TENT5D: variants seen among roughly 807,000 people sequenced by gnomAD.
TENT5D encodes the protein terminal nucleotidyltransferase 5D, also known as cancer/testis antigen 112.
For missense variants in TENT5D, 191 were observed against 287.0 expected, an observed-to-expected ratio of 0.67 and a Z score of 2.42; for synonymous variants, 103 against 100.6, an observed-to-expected ratio of 1.02 and a Z score of -0.15.
intron 3 of TENT5D, among the ~76,000 whole-genome samples, chrX:80,344,717 A>G (rs1399470117): frequency 9.0e-6 from 1 of 111,040 alleles, no homozygotes; most frequent in Admixed American, 9.6e-5. Context: ...CATGAGTAGC[A>G]CTCTTCTAGG....
chrX:80,428,407 C>T (rs1932023234), intron 1 of TENT5D, among the ~76,000 whole-genome samples: 1 of 112,357 alleles, frequency 8.9e-6, no homozygotes. Flanking sequence ...GCTGGCCATC[C>T]TTTAGCCATT....
chrX:80,383,721 T>A (rs1602200550), intron 3 of TENT5D, among the ~76,000 whole-genome samples: 3 of 110,943 alleles, frequency 2.7e-5, no homozygotes, highest in South Asian at 3.8e-4. Context: ...CCGGGCATGG[T>A]GGTGGGCACC....
chrX:80,442,743 A>G (rs1358976969), exon 3 of TENT5D: 2 of 1,209,845 alleles, frequency 1.7e-6, no homozygotes, highest in East Asian at 3.0e-5. Context: ...GTTCCGTAGC[A>G]AGTTACATAC....
At chrX:80,391,698 G>T (rs193147609) in intron 3 of TENT5D, among the ~76,000 whole-genome samples, 2 of 112,555 alleles carry the variant, frequency 1.8e-5, no homozygotes, top group East Asian at 5.6e-4. Flanking sequence ...TCAGAATTTT[G>T]TACTGAAGCA....
chrX:80,409,600 T>C (rs766853689), intron 3 of TENT5D, among the ~76,000 whole-genome samples: 2 of 110,770 alleles, frequency 1.8e-5, no homozygotes, highest in East Asian at 2.8e-4. Flanking sequence ...TAAAAGAGGA[T>C]ACAAACAAAT....
intron 3 of TENT5D, among the ~76,000 whole-genome samples, chrX:80,352,887 C>T (rs762653880): frequency 2.7e-5 from 3 of 110,864 alleles, no homozygotes; most frequent in Non-Finnish European, 5.7e-5. Flanking sequence ...GTATCTGGGC[C>T]GGATAGCGCA....
chrX:80,359,101 G>A (rs1930350464), intron 3 of TENT5D, among the ~76,000 whole-genome samples: 1 of 112,265 alleles, frequency 8.9e-6, no homozygotes, highest in Non-Finnish European at 1.9e-5. Context: ...AAACCAGAAT[G>A]AGATACCATC....
Position 80,438,194 on chromosome X carries a change from A to G in TENT5D, c.-141-416A>G, listed in dbSNP as rs765628752. On this transcript the variant is annotated intron_variant, in intron 1 of 2. Coordinates refer to ENST00000308293, the Ensembl canonical transcript of TENT5D. The stretch of plus-strand genomic sequence containing the variant: ...AGTTTTCTTCAGTGTAGCAGTTCTT[A>G]AAGTGTCATTCCCTGACCAGCAGCA... Among the ~76,000 whole-genome samples, 5 of 110,525 alleles carry G rather than the reference A, an allele frequency of 4.5e-5. No individual in the cohort carries two copies. The South Asian group carries it at 2.0e-3, about 43-fold the overall frequency.
intron 3 of TENT5D, among the ~76,000 whole-genome samples, chrX:80,408,844 C>A (rs187754244): frequency 0.13 from 14,242 of 109,519 alleles, 1,026 homozygotes; most frequent in East Asian, 0.48. Flanking sequence ...ATGCAAAAAT[C>A]CTCAATAAAA....
At chrX:80,406,272 G>T (rs1441598154) in intron 3 of TENT5D, among the ~76,000 whole-genome samples, 2 of 111,760 alleles carry the variant, frequency 1.8e-5, no homozygotes, top group East Asian at 2.8e-4. Context: ...CGAGCTGAGA[G>T]AAGAAGGCTT....
At position 80,381,025 on chromosome X, in the gene TENT5D, C is replaced by T. The variant is rs1263188941; in HGVS notation, c.-142+38461C>T. On this transcript the variant is annotated intron_variant, in intron 3 of 4. Coordinates refer to the TENT5D transcript ENST00000538312. ...CATGATGTTAGCTGCTTATTTTGCC[C>T]GTTAGTTGATGCAGTTTCTTCCTAC... is the stretch of plus-strand genomic sequence containing the variant. Among the ~76,000 whole-genome samples the T allele has an allele frequency of 6.3e-5, 7 of 111,481 alleles. No homozygotes were observed. In the East Asian group the frequency reaches 1.4e-3, roughly 23 times the overall value.
chrX:80,418,194 G>A (rs997457572), upstream of TENT5D, among the ~76,000 whole-genome samples: 37 of 109,741 alleles, frequency 3.4e-4, no homozygotes, highest in Admixed American at 2.6e-3. Flanking sequence ...CTTTTGCCCA[G>A]GCTGGAGTGC....
intron 1 of TENT5D, among the ~76,000 whole-genome samples, chrX:80,436,090 A>G (rs1932177325): frequency 9.0e-6 from 1 of 111,352 alleles, no homozygotes. Context: ...TCCATAGCCT[A>G]TAATCTAAAC....
intron 3 of TENT5D, among the ~76,000 whole-genome samples, chrX:80,359,697 G>A (rs1472173803): frequency 9.0e-6 from 1 of 111,143 alleles, no homozygotes; most frequent in African/African-American, 3.3e-5. Context: ...ATGGCAGGTT[G>A]ATGGGTGAAG....
chrX:80,342,409 T>C (rs1334782616), intron 2 of TENT5D: 1 of 112,210 alleles, frequency 8.9e-6, no homozygotes, highest in East Asian at 2.8e-4. Flanking sequence ...GTCCCATTTC[T>C]AAGTCAGGTC....
At chrX:80,337,033 G>A (rs767347750) in intron 2 of TENT5D, among the ~76,000 whole-genome samples, 38 of 111,665 alleles carry the variant, frequency 3.4e-4, no homozygotes, top group African/African-American at 1.2e-3. Context: ...ATTTCTTAAA[G>A]CGAGGTTTAT....
At chrX:80,339,785 A>G (rs1367685227) in intron 2 of TENT5D, among the ~76,000 whole-genome samples, 2 of 109,981 alleles carry the variant, frequency 1.8e-5, no homozygotes, top group African/African-American at 6.6e-5. Flanking sequence ...CTATTTCTCA[A>G]AGTGCTAATA....
At chrX:80,347,584 A>G (rs1334376480) in intron 3 of TENT5D, among the ~76,000 whole-genome samples, 2 of 111,793 alleles carry the variant, frequency 1.8e-5, no homozygotes, top group Non-Finnish European at 3.8e-5. Flanking sequence ...CGTTTGTCAG[A>G]TGGATAGATT....
intron 3 of TENT5D, among the ~76,000 whole-genome samples, chrX:80,408,308 C>T (rs1258378932): frequency 6.5e-5 from 7 of 108,125 alleles, no homozygotes; most frequent in African/African-American, 2.4e-4. Flanking sequence ...TTAATGAATC[C>T]AGGAGCTGGT....
Sources: gnomAD v4.1 joint callset for allele counts (sites outside exome capture counted in the v4.1 genomes callset) on GRCh38, gnomAD v4.1.1 for gene constraint, MANE v1.5 for transcripts, NCBI Gene and HGNC (gene_info 2026-07-23, HGNC 2026-07-21) for gene names.